Variants in RPH3AL observed in about 807,000 individuals in gnomAD.
RPH3AL encodes rab effector Noc2.
In RPH3AL, 38 loss-of-function variants were observed where a neutral mutation model predicts 43.1. That is an observed-to-expected ratio of 0.88 (90% CI 0.68 to 1.15). The LOEUF is 1.15. RPH3AL is among the 50% of genes most tolerant of loss of function. The probability of loss-of-function intolerance (pLI) is 0.00; values close to 1 mark genes in which losing one functional copy is unlikely to be tolerated. For synonymous variants in RPH3AL, 189 were observed against 176.3 expected (o/e 1.07, Z -0.57); for missense variants, 462 against 423.2 (o/e 1.09, Z -0.81).
intron 3 of RPH3AL, chr17:321,776 A>ACATG: frequency 4.0e-6 from 1 of 253,108 alleles, no homozygotes; most frequent in Non-Finnish European, 7.6e-6. Context: ...GGGCAGACAC[A>ACATG]GGCTCCAAGC....
intron 6 of RPH3AL, among the ~76,000 whole-genome samples, chr17:267,103 C>A (rs977623612): frequency 6.6e-6 from 1 of 152,246 alleles, no homozygotes; most frequent in African/African-American, 2.4e-5. Context: ...AGAACAGGGG[C>A]CCCTGTCTTC....
intron 7 of RPH3AL, among the ~76,000 whole-genome samples, chr17:242,255 TCC>T (rs2041559859): frequency 1.5e-5 from 2 of 131,366 alleles, no homozygotes; most frequent in African/African-American, 5.6e-5. Context: ...ATGATTACCT[TCC>T]TCTATTGATT....
chr17:243,917 T>G (rs1353763736), intron 7 of RPH3AL, among the ~76,000 whole-genome samples: 1 of 143,376 alleles, frequency 7.0e-6, no homozygotes, highest in East Asian at 2.2e-4. Context: ...CCTCTATTGA[T>G]TACCTTCCTC....
chr17:317,262 G>C (rs547003820), intron 5 of RPH3AL, among the ~76,000 whole-genome samples: 1 of 148,216 alleles, frequency 6.7e-6, no homozygotes, highest in Admixed American at 6.7e-5. Context: ...TGCAGTCCCT[G>C]TGCCCCACCT....
intron 5 of RPH3AL, among the ~76,000 whole-genome samples, chr17:315,026 G>A (rs2043890727): frequency 7.0e-6 from 1 of 143,582 alleles, no homozygotes; most frequent in African/African-American, 2.8e-5. Flanking sequence ...CACCTCCATT[G>A]ACCTGTAGTC....
intron 1 of RPH3AL, 92 bp downstream of exon 1, chr17:352,620 G>C (rs1048336883): frequency 6.6e-6 from 1 of 152,276 alleles, no homozygotes; most frequent in African/African-American, 2.4e-5. Flanking sequence ...GCAAAGTTCT[G>C]TGAAAACCCC....
At chr17:304,988 A>C (rs1417335837) in intron 5 of RPH3AL, among the ~76,000 whole-genome samples, 7 of 38,996 alleles carry the variant, frequency 1.8e-4, no homozygotes, top group African/African-American at 7.8e-4. Context: ...CGGGAGGGGG[A>C]CAGGGCGAGA....
In RPH3AL at chr17:213,845, A is replaced by G; in HGVS notation, c.*7T>C. Reference sequence around the variant, plus strand: ...CACAGGGAAGTCTGTTCCAGGCACCAGACACCTCAGCCCAGGCAGCTGGAG... The same window carrying G: ...CACAGGGAAGTCTGTTCCAGGCACCGGACACCTCAGCCCAGGCAGCTGGAG... On this transcript the variant is annotated 3_prime_UTR_variant, in exon 10 of 10. Transcript: ENST00000331302. 1 of 1,612,426 alleles carries G rather than the reference A, an allele frequency of 6.2e-7. No homozygotes were observed. Among genetic ancestry groups the G allele is most frequent in the Non-Finnish European group, 8.5e-7 (1 of 1,179,058 alleles).
Position 333,093 on chromosome 17 carries a change from A to G in RPH3AL, c.-37+666T>C. ...CTCTCTCTAAAGTCGAGAGCTCACC[A>G]CCCCGGGCGTTCGTCACTGCAGACA... On this transcript the variant is annotated intron_variant, in intron 2 of 9. Coordinates refer to ENST00000331302, the MANE Select transcript of RPH3AL (RefSeq NM_006987.4). This position sits in a 1 kb window ranked among gnomAD's most constrained non-coding sequence, Gnocchi z 4.5. The G allele has an allele frequency of 3.9e-6, 5 of 1,286,358 alleles. No individual in the cohort carries two copies. The South Asian group carries it at 6.2e-5, about 16-fold the overall frequency. The allele number at this position is 1,286,358 out of a possible 1,614,324, so 79.7% of individuals were successfully genotyped here.
intron 7 of RPH3AL, among the ~76,000 whole-genome samples, chr17:240,001 G>C (rs1168634195): frequency 2.0e-5 from 3 of 152,140 alleles, no homozygotes; most frequent in Non-Finnish European, 4.4e-5. Flanking sequence ...ACTTTGGGAG[G>C]CCAAGGTGGA....
chr17:219,842 T>C (rs1204574557), intron 7 of RPH3AL, 106 bp from the exon 8 acceptor site: 1 of 771,754 alleles, frequency 1.3e-6, no homozygotes, highest in East Asian at 2.5e-5. Context: ...CCACGTGGCG[T>C]AGCAGCTCAG....
At chr17:330,273 C>T (rs2044719510) in intron 2 of RPH3AL, among the ~76,000 whole-genome samples, 1 of 152,260 alleles carries the variant, frequency 6.6e-6, no homozygotes, top group Non-Finnish European at 1.5e-5. Flanking sequence ...CCCCAGTGAG[C>T]TGCCTCAGCA....
chr17:274,119 T>C lies in RPH3AL; in HGVS notation c.438+7649A>G, dbSNP rs895385914. On this transcript the variant is annotated intron_variant, in intron 6 of 9. Transcript: ENST00000331302. This position sits in a 1 kb window ranked among gnomAD's most constrained non-coding sequence, Gnocchi z 4.7. The stretch of plus-strand genomic sequence containing the variant: ...TAGGGATTCGAGGCTAAACAGTAAA[T>C]GAAATGAATTTCTGGTTTGCAACAT... Among the ~76,000 whole-genome samples, 4 of 152,214 alleles carry C rather than the reference T, an allele frequency of 2.6e-5. No individual in the cohort carries two copies. The highest frequency in any genetic ancestry group is 9.7e-5 in the African/African-American group (4 of 41,446).
At chr17:315,877 C>A (rs1598103189) in intron 5 of RPH3AL, among the ~76,000 whole-genome samples, 1 of 150,394 alleles carries the variant, frequency 6.6e-6, no homozygotes, top group Non-Finnish European at 1.5e-5. Flanking sequence ...CCCCCACCTC[C>A]ATTGACCTGT....
intron 5 of RPH3AL, among the ~76,000 whole-genome samples, chr17:286,913 T>TCTCTCTCCACCGTCAGACCTCACTCC (rs2042927816): frequency 4.3e-5 from 4 of 92,294 alleles, no homozygotes; most frequent in African/African-American, 7.8e-5. Context: ...CCTCGCACCC[T>TCTCTCTCCACCGTCAGACCTCACTCC]CTCTCTCCAC....
intron 5 of RPH3AL, among the ~76,000 whole-genome samples, chr17:314,857 C>A (rs867830978): frequency 7.8e-4 from 71 of 90,890 alleles, no homozygotes; most frequent in African/African-American, 3.5e-3. Context: ...ACCTGTAGTC[C>A]CTGTGCCCCA....
rs755596814 is a variant in RPH3AL, at chr17:323,810, C to A, written c.78-2395G>T. Among the ~76,000 whole-genome samples, 21 of 152,102 alleles carry A rather than the reference C, an allele frequency of 1.4e-4. No individual in the cohort carries two copies. The highest frequency in any genetic ancestry group is 2.6e-4 in the Non-Finnish European group (18 of 67,964). On this transcript the variant is annotated intron_variant, in intron 3 of 9. Coordinates refer to ENST00000331302, the MANE Select transcript of RPH3AL (RefSeq NM_006987.4). This position sits in a 1 kb window ranked among gnomAD's most constrained non-coding sequence, Gnocchi z 4.4. ...CAGTCACCCCGAGGCAGGCCCGGACCCTCCATCACCCCGCGAGACAGTCCA... is the reference window on the plus strand; with the variant it reads ...CAGTCACCCCGAGGCAGGCCCGGACACTCCATCACCCCGCGAGACAGTCCA...
intron 5 of RPH3AL, among the ~76,000 whole-genome samples, chr17:316,364 C>T (rs2044183899): frequency 6.7e-6 from 1 of 149,890 alleles, no homozygotes; most frequent in Non-Finnish European, 1.5e-5. Flanking sequence ...TGCTCCACCT[C>T]CATTGACCTG....
chr17:307,709 G>A (rs976858222), intron 5 of RPH3AL, among the ~76,000 whole-genome samples: 1 of 152,222 alleles, frequency 6.6e-6, no homozygotes. Flanking sequence ...CTCTGCAGCC[G>A]ATTGGCTGCC....
Sources: allele counts gnomAD v4.1 joint callset (sites outside exome capture counted in the v4.1 genomes callset), GRCh38; gene constraint gnomAD v4.1.1; non-coding constraint Gnocchi (gnomAD v3.1); transcripts MANE v1.5; gene names NCBI Gene and HGNC (gene_info 2026-07-23, HGNC 2026-07-21).